The following ZBTB44 variants were observed in gnomAD, a reference collection of about 807,000 sequenced individuals.
The protein encoded by ZBTB44 is zinc finger and BTB domain containing 44.
A neutral mutation model predicts 54.0 loss-of-function variants in ZBTB44; 15 were observed. The observed-to-expected ratio is 0.28, with a 90% CI of 0.19 to 0.43. The LOEUF (loss-of-function observed/expected upper bound fraction) is 0.43, where lower values mean the gene tolerates loss of function less well. ZBTB44 is among the 20% of genes least tolerant of loss of function. ZBTB44 has a pLI of 1.00. For missense variants in ZBTB44, 487 were observed against 707.1 expected (o/e 0.69, Z 3.53); for synonymous variants, 230 against 250.1 (o/e 0.92, Z 0.76).
intron 1 of ZBTB44, among the ~76,000 whole-genome samples, chr11:130,283,098 G>C (rs913391253): frequency 4.4e-5 from 6 of 137,202 alleles, no homozygotes; most frequent in African/African-American, 1.7e-4. Context: ...CTGCTGGAGT[G>C]TAGTGGCGCA....
At chr11:130,286,651 A>C (rs1401921925) in intron 1 of ZBTB44, among the ~76,000 whole-genome samples, 2 of 152,258 alleles carry the variant, frequency 1.3e-5, no homozygotes, top group African/African-American at 2.4e-5. Flanking sequence ...CACCTCATGC[A>C]TAATTAGGCT....
At chr11:130,282,913 A>G (rs887839472) in intron 1 of ZBTB44, among the ~76,000 whole-genome samples, 2 of 152,080 alleles carry the variant, frequency 1.3e-5, no homozygotes, top group African/African-American at 4.8e-5. Context: ...CCTGAGCTCA[A>G]GCAATCCTCC....
chr11:130,255,982 A>G (rs1247423713), intron 2 of ZBTB44, among the ~76,000 whole-genome samples: 3 of 151,632 alleles, frequency 2.0e-5, no homozygotes, highest in African/African-American at 7.3e-5. Context: ...GCCCAGCACC[A>G]GACAGATTCA....
At chr11:130,241,977 C>T (rs1221310507) in intron 2 of ZBTB44, among the ~76,000 whole-genome samples, 2 of 152,110 alleles carry the variant, frequency 1.3e-5, no homozygotes, top group African/African-American at 4.8e-5. Flanking sequence ...TGTATTAATG[C>T]CAATCTTTAG....
chr11:130,265,695 T>C (rs1158006668), intron 1 of ZBTB44, among the ~76,000 whole-genome samples: 1 of 152,206 alleles, frequency 6.6e-6, no homozygotes, highest in African/African-American at 2.4e-5. Flanking sequence ...TGCAGAAAGT[T>C]TGCCTGGTGT....
intron 1 of ZBTB44, among the ~76,000 whole-genome samples, chr11:130,279,693 G>A (rs185744859): frequency 2.1e-5 from 3 of 142,850 alleles, no homozygotes; most frequent in Admixed American, 6.8e-5. Context: ...CCAACCAACC[G>A]TAGCTCATTT....
Position 130,252,761 on chromosome 11 carries a change from C to A in ZBTB44, c.1018+8095G>T, listed in dbSNP as rs529162805. On this transcript the variant is annotated intron_variant, in intron 2 of 7. Transcript: ENST00000357899. ...ATACCAAAGCCTGGCAGAGACACAA[C>A]AAAAAGAATTTTAGACCAATATCAC... 1.2e-4 allele frequency among the ~76,000 whole-genome samples: 18 copies of A among 152,082 alleles called. No individual in the cohort carries two copies. The East Asian group carries it at 3.5e-3, about 29-fold the overall frequency.
At chr11:130,304,303 C>T (rs189159601) in intron 1 of ZBTB44, among the ~76,000 whole-genome samples, 133 of 152,246 alleles carry the variant, frequency 8.7e-4, no homozygotes, top group African/African-American at 2.9e-3. Context: ...CACCCCATAA[C>T]GCTTATATAG....
intron 1 of ZBTB44, among the ~76,000 whole-genome samples, chr11:130,290,643 G>A (rs1021854360): frequency 2.0e-5 from 3 of 152,164 alleles, no homozygotes; most frequent in African/African-American, 7.2e-5. Flanking sequence ...TCTGAGTCCA[G>A]ACACTTATTA....
chr11:130,292,668 CAT>C lies in ZBTB44; in HGVS notation c.-57+21705_-57+21706del, dbSNP rs1941375565. On this transcript the variant is annotated intron_variant, in intron 1 of 7. Coordinates refer to ENST00000357899, the MANE Select transcript of ZBTB44 (RefSeq NM_001301098.2). ...GCTTAATTGCAAATGATAAACAAAA[CAT>C]ATAAATTAGTATTTTAAGAGTGTAA... Among the ~76,000 whole-genome samples, 3 of 152,084 alleles carry C rather than the reference CAT, an allele frequency of 2.0e-5. 1 individual carries two copies. The South Asian group carries it at 6.2e-4, about 31-fold the overall frequency.
intron 1 of ZBTB44, among the ~76,000 whole-genome samples, chr11:130,312,819 T>C (rs1394156376): frequency 6.6e-6 from 1 of 152,216 alleles, no homozygotes; most frequent in East Asian, 1.9e-4. Flanking sequence ...GTTGTTAATT[T>C]TGATAGGCAT....
At position 130,241,013 on chromosome 11, in the gene ZBTB44, C is replaced by A. The variant is rs578256401; in HGVS notation, c.1019-1117G>T. On this transcript the variant is annotated intron_variant, in intron 2 of 7. Coordinates refer to ENST00000357899, the MANE Select transcript of ZBTB44 (RefSeq NM_001301098.2). ...TAAACCGGGTCATACTATATGTATTCTTTTGTCTTGCTTCTTTCCTCCAAC... is the reference window on the plus strand; with the variant it reads ...TAAACCGGGTCATACTATATGTATTATTTTGTCTTGCTTCTTTCCTCCAAC... Among the ~76,000 whole-genome samples, 7 of 152,320 alleles carry A rather than the reference C, an allele frequency of 4.6e-5. No individual in the cohort carries two copies. The East Asian group carries it at 1.3e-3, about 29-fold the overall frequency.
intron 2 of ZBTB44, among the ~76,000 whole-genome samples, chr11:130,246,783 G>A (rs893016747): frequency 6.6e-6 from 1 of 152,124 alleles, no homozygotes; most frequent in Non-Finnish European, 1.5e-5. Context: ...TTTAGGGGTG[G>A]GGCCTGGTCC....
chr11:130,250,443 GCCT>G (rs888672297), intron 2 of ZBTB44, among the ~76,000 whole-genome samples: 3 of 152,190 alleles, frequency 2.0e-5, no homozygotes, highest in African/African-American at 7.2e-5. Context: ...GGGACAGACT[GCCT>G]CCTCAAGTGG....
intron 1 of ZBTB44, among the ~76,000 whole-genome samples, chr11:130,299,558 CAAA>C (rs61645424): frequency 3.8e-5 from 2 of 52,618 alleles, no homozygotes; most frequent in Non-Finnish European, 3.9e-5. Context: ...GTCTCGGGGA[CAAA>C]AAAAAAAAAA....
chr11:130,261,354 T>G lies in ZBTB44; in HGVS notation c.520A>C (p.Ile174Leu). 1 of 1,613,986 alleles carries G rather than the reference T, an allele frequency of 6.2e-7. No individual in the cohort carries two copies. Among genetic ancestry groups the G allele is most frequent in the Non-Finnish European group, 8.5e-7 (1 of 1,179,892 alleles). ...CTCCGGGATTCTCGGCAGACAGGAA[T>G]GGTTCTTTCTACCACACTGCACTCT... ...SSECSVVERT[I>L]PVCRESRRKR... Residue 174 changes from isoleucine to leucine, a missense_variant, in exon 2 of 8, where the codon ATT becomes CTT. Physicochemically the swap from Ile to Leu is conservative, Grantham distance 5 (BLOSUM62 2). Coordinates refer to ENST00000357899, the MANE Select transcript of ZBTB44 (RefSeq NM_001301098.2). This position sits in a 1 kb window ranked among gnomAD's most constrained non-coding sequence, Gnocchi z 4.8.
Position 130,227,340 on chromosome 11 carries a change from G to A in ZBTB44, c.*4424C>T, listed in dbSNP as rs1038696225. 2.0e-5 allele frequency: 3 copies of A among 152,174 alleles called. No homozygotes were observed. The East Asian group carries it at 5.8e-4, about 29-fold the overall frequency. 9.4% of individuals were successfully genotyped at this position (152,174 alleles called of 1,614,324 possible). The stretch of plus-strand genomic sequence containing the variant: ...GAATGAGATGACGACTGGATACAAA[G>A]CTGGTGAACTGGGGACTGGCACAGT... On this transcript the variant is annotated 3_prime_UTR_variant, in exon 8 of 8. Transcript: ENST00000357899.
chr11:130,282,693 TCTGTATTTTG>T (rs1940617145), intron 1 of ZBTB44, among the ~76,000 whole-genome samples: 1 of 152,194 alleles, frequency 6.6e-6, no homozygotes, highest in South Asian at 2.1e-4. Context: ...AACATAGAAT[TCTGTATTTTG>T]CAGTATTTTG....
intron 2 of ZBTB44, among the ~76,000 whole-genome samples, chr11:130,260,293 TTA>T (rs752525331): frequency 4.6e-5 from 7 of 152,234 alleles, no homozygotes; most frequent in Non-Finnish European, 8.8e-5. Flanking sequence ...TTCTGTGTTT[TTA>T]TGTTTTCACA....
Sources: allele counts gnomAD v4.1 joint callset (sites outside exome capture counted in the v4.1 genomes callset), GRCh38; gene constraint gnomAD v4.1.1; non-coding constraint Gnocchi (gnomAD v3.1); transcripts MANE v1.5; gene names NCBI Gene and HGNC (gene_info 2026-07-23, HGNC 2026-07-21).